The following CCDC6 variants were observed in gnomAD, a reference collection of about 807,000 sequenced individuals.
The protein encoded by CCDC6 is coiled-coil domain containing 6, also known as coiled-coil domain-containing protein 6.
Under a neutral mutation model 56.6 loss-of-function variants are expected in CCDC6, and 20 were observed. That is an observed-to-expected ratio of 0.35 (90% CI 0.25 to 0.51). The LOEUF (loss-of-function observed/expected upper bound fraction) is 0.51. CCDC6 is among the 20% of genes least tolerant of loss of function. The pLI, the probability that CCDC6 is intolerant of heterozygous loss-of-function variation, is 0.95. For synonymous variants in CCDC6, 241 were observed against 234.4 expected, an observed-to-expected ratio of 1.03 and a Z score of -0.26; for missense variants, 367 against 601.1, an observed-to-expected ratio of 0.61 and a Z score of 4.07.
At chr10:59,902,560 A>AT (rs2071511845) in intron 1 of CCDC6, among the ~76,000 whole-genome samples, 1 of 151,296 alleles carries the variant, frequency 6.6e-6, no homozygotes, top group Non-Finnish European at 1.5e-5. Context: ...TCCCCAGCTA[A>AT]TTTTTCTGTA....
intron 3 of CCDC6, among the ~76,000 whole-genome samples, chr10:59,816,288 C>G (rs547148394): frequency 6.6e-6 from 1 of 152,182 alleles, no homozygotes; most frequent in Non-Finnish European, 1.5e-5. Flanking sequence ...AGGTCTCAAA[C>G]AGATGGGAAA....
At position 59,806,918 on chromosome 10, in the gene CCDC6, A is replaced by G. The variant is rs2070630113; in HGVS notation, c.1004+4T>C. On this transcript the variant is annotated splice_donor_region_variant and intron_variant, in intron 6 of 8. Coordinates refer to ENST00000263102, the MANE Select transcript of CCDC6 (RefSeq NM_005436.5). Reference sequence around the variant, plus strand: ...AAAACAAGGCTCATAAGACATGCACACACCTTTCGTCGTCCATTTCTAAGC... The same window carrying G: ...AAAACAAGGCTCATAAGACATGCACGCACCTTTCGTCGTCCATTTCTAAGC... 6.2e-7 allele frequency: 1 copy of G among 1,613,052 alleles called. No individual in the cohort carries two copies. Among genetic ancestry groups the G allele is most frequent in the South Asian group, 1.1e-5 (1 of 91,020 alleles).
Position 59,906,351 on chromosome 10 carries a change from G to A in CCDC6, c.74C>T (p.Ser25Leu), listed in dbSNP as rs777511271. 1 of 1,597,486 alleles carries A rather than the reference G, an allele frequency of 6.3e-7. No homozygotes were observed. Among genetic ancestry groups the A allele is most frequent in the South Asian group, 1.1e-5 (1 of 90,872 alleles). The change falls in exon 1 of 9, where the codon TCG becomes TTG. Residue 25 changes from serine (S) to leucine (L), a missense_variant. Coordinates refer to ENST00000263102, the MANE Select transcript of CCDC6 (RefSeq NM_005436.5). ...GCCGCCCGAGGTCGACGAGCAGGACGACTGCATGGCGGCCGAGCTGCTGCT... is the reference window on the plus strand; with the variant it reads ...GCCGCCCGAGGTCGACGAGCAGGACAACTGCATGGCGGCCGAGCTGCTGCT... The part of the protein sequence containing the change: ...GNSSSSAAMQ[S>L]SCSSTSGGGG...
At chr10:59,862,112 G>C (rs148144850) in intron 1 of CCDC6, among the ~76,000 whole-genome samples, 116 of 152,218 alleles carry the variant, frequency 7.6e-4, no homozygotes, top group Middle Eastern at 3.4e-3. Flanking sequence ...TGAAAAGGCA[G>C]CCCTGAAACT....
At chr10:59,847,296 G>C (rs1004341874) in intron 2 of CCDC6, among the ~76,000 whole-genome samples, 1 of 151,850 alleles carries the variant, frequency 6.6e-6, no homozygotes, top group East Asian at 1.9e-4. Context: ...CTCGTGATCC[G>C]CCCGCCTCGG....
chr10:59,816,666 G>C (rs757498201), intron 3 of CCDC6, among the ~76,000 whole-genome samples: 4 of 152,168 alleles, frequency 2.6e-5, no homozygotes, highest in Non-Finnish European at 5.9e-5. Flanking sequence ...TAACTAATGG[G>C]CACTTAGAAA....
intron 4 of CCDC6, among the ~76,000 whole-genome samples, 162 bp downstream of exon 4, chr10:59,814,490 T>C (rs547566622): frequency 5.9e-5 from 9 of 152,172 alleles, no homozygotes; most frequent in Non-Finnish European, 1.2e-4. Flanking sequence ...AACATGGGAA[T>C]AGTTCAGAAG....
At chr10:59,882,407 G>C (rs867057060) in intron 1 of CCDC6, among the ~76,000 whole-genome samples, 3 of 1,800 alleles carry the variant, frequency 1.7e-3, no homozygotes, top group East Asian at 0.014. Context: ...GGAAAGCCAG[G>C]GGGAGAAGGA....
At chr10:59,871,301 A>C (rs1338306097) in intron 1 of CCDC6, among the ~76,000 whole-genome samples, 1 of 152,082 alleles carries the variant, frequency 6.6e-6, no homozygotes, top group Non-Finnish European at 1.5e-5. Flanking sequence ...TCGCAGAGCT[A>C]AGAACACCGC....
intron 2 of CCDC6, among the ~76,000 whole-genome samples, chr10:59,846,054 T>C (rs533076655): frequency 2.9e-4 from 44 of 152,320 alleles, no homozygotes; most frequent in African/African-American, 1.0e-3. Context: ...CTTCAGATTC[T>C]AGTGTACATC....
intron 1 of CCDC6, among the ~76,000 whole-genome samples, chr10:59,898,006 A>C (rs1322645769): frequency 6.6e-6 from 1 of 152,248 alleles, no homozygotes; most frequent in Non-Finnish European, 1.5e-5. Flanking sequence ...GATCTGGAAC[A>C]GATGCATGGA....
intron 4 of CCDC6, among the ~76,000 whole-genome samples, 178 bp from the exon 5 acceptor site, chr10:59,812,973 C>T (rs552534968): frequency 3.9e-5 from 6 of 152,302 alleles, no homozygotes; most frequent in South Asian, 2.1e-4. Context: ...TGGTGTCTCA[C>T]TTCAAAGGGC....
intron 1 of CCDC6, among the ~76,000 whole-genome samples, chr10:59,901,541 T>G (rs1330105957): frequency 1.3e-5 from 2 of 152,140 alleles, no homozygotes; most frequent in Non-Finnish European, 2.9e-5. Flanking sequence ...TCAAAACACC[T>G]TGTACTTCTG....
intron 7 of CCDC6, among the ~76,000 whole-genome samples, chr10:59,800,776 C>A (rs528195273): frequency 6.6e-6 from 1 of 152,096 alleles, no homozygotes; most frequent in African/African-American, 2.4e-5. Flanking sequence ...CCCTCCCCAC[C>A]AGAACCTAAG....
chr10:59,874,083 C>G (rs898738518), intron 1 of CCDC6, among the ~76,000 whole-genome samples: 1 of 150,384 alleles, frequency 6.6e-6, no homozygotes, highest in South Asian at 2.1e-4. Context: ...ATGTCCGAAG[C>G]GTAGACATTC....
chr10:59,835,648 G>C (rs2070876094), intron 2 of CCDC6, among the ~76,000 whole-genome samples: 1 of 152,208 alleles, frequency 6.6e-6, no homozygotes, highest in South Asian at 2.1e-4. Context: ...CAGTTCTGCT[G>C]CCTGCTTTGT....
At chr10:59,865,342 T>C (rs969640293) in intron 1 of CCDC6, among the ~76,000 whole-genome samples, 1 of 152,186 alleles carries the variant, frequency 6.6e-6, no homozygotes, top group Non-Finnish European at 1.5e-5. Flanking sequence ...TGTGATAAAG[T>C]GACCTCTGCA....
intron 1 of CCDC6, among the ~76,000 whole-genome samples, chr10:59,865,787 G>T (rs1454031433): frequency 6.9e-6 from 1 of 144,746 alleles, no homozygotes; most frequent in Non-Finnish European, 1.5e-5. Flanking sequence ...AGGAGATAGA[G>T]GTTGCAGTGA....
rs762841140 is a variant in CCDC6, at chr10:59,812,811, A to G, written c.687-16T>C. 44 of 1,572,012 alleles carry G rather than the reference A, an allele frequency of 2.8e-5. No individual in the cohort carries two copies. The highest frequency in any genetic ancestry group is 3.6e-5 in the Non-Finnish European group (41 of 1,153,714). ...CTGCAGGATTCTTCATTGAAAAGAA[A>G]AATTCCAACAATGACTAACAGTTTT... On this transcript the variant is annotated splice_polypyrimidine_tract_variant and intron_variant, in intron 4 of 8. Coordinates refer to ENST00000263102, the MANE Select transcript of CCDC6 (RefSeq NM_005436.5).
Sources: gnomAD v4.1 joint callset for allele counts (sites outside exome capture counted in the v4.1 genomes callset) on GRCh38, gnomAD v4.1.1 for gene constraint, MANE v1.5 for transcripts, NCBI Gene and HGNC (gene_info 2026-07-23, HGNC 2026-07-21) for gene names.